The following KHDRBS2 variants were observed in gnomAD, a reference collection of about 807,000 sequenced individuals.
KHDRBS2 encodes KH domain-containing, RNA-binding, signal transduction-associated protein 2.
In KHDRBS2, 26 loss-of-function variants were observed where a neutral mutation model predicts 44.3. That is an observed-to-expected ratio of 0.59 (90% CI 0.43 to 0.81). The LOEUF (loss-of-function observed/expected upper bound fraction) is 0.81. Ranked by LOEUF, KHDRBS2 falls within the 40% of genes least tolerant of loss-of-function variation. The pLI, the probability that KHDRBS2 is intolerant of heterozygous loss-of-function variation, is 0.00. For synonymous variants in KHDRBS2, 194 were observed against 151.1 expected (o/e 1.28, Z -2.08); for missense variants, 476 against 433.1 (o/e 1.10, Z -0.88).
intron 2 of KHDRBS2, among the ~76,000 whole-genome samples, chr6:62,079,904 T>C (rs115879501): frequency 0.012 from 1,768 of 152,146 alleles, 34 homozygotes; most frequent in African/African-American, 0.04. Flanking sequence ...GTTTAAAAAT[T>C]AATGCCTACA....
chr6:61,948,933 C>T lies in KHDRBS2; in HGVS notation c.483+29133G>A, dbSNP rs547335058. Among the ~76,000 whole-genome samples the T allele has an allele frequency of 1.4e-4, 21 of 152,034 alleles. No individual in the cohort carries two copies. In the South Asian group the frequency reaches 2.3e-3, roughly 17 times the overall value. ...TTCAGATTTCCACGTGTTATGCGAG[C>T]GGAATACTTCAGTTCTCTCCATCCA... On this transcript the variant is annotated intron_variant, in intron 4 of 8. Transcript: ENST00000281156.
intron 4 of KHDRBS2, among the ~76,000 whole-genome samples, chr6:61,977,215 T>C (rs575443414): frequency 6.6e-6 from 1 of 152,238 alleles, no homozygotes; most frequent in East Asian, 1.9e-4. Context: ...AGATCTATCT[T>C]AGCTGTGTGC....
rs1200792448 is a variant in KHDRBS2, at chr6:61,853,295, C to T, written c.810+41340G>A. ...CTGGTTATTAAGGCTATTTTTATTT[C>T]CCTATCACATTATATAGCTATTAAA... On this transcript the variant is annotated intron_variant, in intron 6 of 8. Transcript: ENST00000281156. Among the ~76,000 whole-genome samples the T allele has an allele frequency of 3.9e-5, 6 of 152,084 alleles. No individual in the cohort carries two copies. The East Asian group carries it at 1.2e-3, about 29-fold the overall frequency.
intron 2 of KHDRBS2, among the ~76,000 whole-genome samples, chr6:62,152,255 G>A (rs897769059): frequency 9.2e-5 from 14 of 152,174 alleles, no homozygotes; most frequent in African/African-American, 2.9e-4. Context: ...GGAGGCAGAG[G>A]TTGAGGTGAG....
chr6:62,038,247 T>C (rs1785718299), intron 3 of KHDRBS2, among the ~76,000 whole-genome samples: 1 of 152,100 alleles, frequency 6.6e-6, no homozygotes, highest in South Asian at 2.1e-4. Flanking sequence ...TCACTCTTGG[T>C]GAACCCATAC....
At chr6:61,702,114 A>C (rs911501007) in intron 7 of KHDRBS2, among the ~76,000 whole-genome samples, 7 of 151,920 alleles carry the variant, frequency 4.6e-5, no homozygotes, top group African/African-American at 1.4e-4. Context: ...GGGCTATAGA[A>C]GACTTCTCGT....
chr6:62,038,062 G>T (rs943730153), intron 3 of KHDRBS2, among the ~76,000 whole-genome samples: 5 of 151,884 alleles, frequency 3.3e-5, no homozygotes, highest in Non-Finnish European at 7.4e-5. Context: ...TGCCACAATG[G>T]AACAACTCAG....
At chr6:61,737,003 A>T (rs1775464400) in intron 6 of KHDRBS2, among the ~76,000 whole-genome samples, 2 of 152,100 alleles carry the variant, frequency 1.3e-5, no homozygotes, top group South Asian at 4.1e-4. Flanking sequence ...CCCATAGAAT[A>T]GTCATTTAAC....
At chr6:61,924,306 T>C (rs960059754) in intron 4 of KHDRBS2, among the ~76,000 whole-genome samples, 2 of 152,038 alleles carry the variant, frequency 1.3e-5, no homozygotes, top group African/African-American at 4.8e-5. Flanking sequence ...GCCATGGTAA[T>C]AGCTAGGAGG....
At chr6:62,007,038 T>G (rs1270105722) in intron 3 of KHDRBS2, among the ~76,000 whole-genome samples, 2 of 152,084 alleles carry the variant, frequency 1.3e-5, no homozygotes, top group Non-Finnish European at 1.5e-5. Flanking sequence ...TACATCTACA[T>G]GTAAGACAAA....
intron 3 of KHDRBS2, among the ~76,000 whole-genome samples, chr6:61,981,461 AACT>A (rs1486008288): frequency 2.0e-5 from 3 of 148,782 alleles, no homozygotes; most frequent in African/African-American, 7.5e-5. Context: ...AAAAAAAAAA[AACT>A]GAGTTTTTTT....
chr6:62,099,849 G>C (rs1801460717), intron 2 of KHDRBS2, among the ~76,000 whole-genome samples: 1 of 152,132 alleles, frequency 6.6e-6, no homozygotes, highest in South Asian at 2.1e-4. Context: ...GATGTGCGGG[G>C]ATATTAATGT....
the KHDRBS2 span, among the ~76,000 whole-genome samples, chr6:61,554,613 T>C: frequency 7.9e-5 from 12 of 152,194 alleles, no homozygotes; most frequent in Admixed American, 7.9e-4. Flanking sequence ...GTCATTGACC[T>C]ATGTACTTGT....
chr6:61,671,853 T>A, the KHDRBS2 span, among the ~76,000 whole-genome samples: 8 of 152,034 alleles, frequency 5.3e-5, 1 homozygote, highest in Admixed American at 3.3e-4. Context: ...TTTATTTATT[T>A]ATGATTATTA....
chr6:61,977,952 T>G (rs1262554937), intron 4 of KHDRBS2, 114 bp downstream of exon 4: 1 of 873,188 alleles, frequency 1.1e-6, no homozygotes, highest in Non-Finnish European at 1.8e-6. Flanking sequence ...GACCTGTGGA[T>G]AGATCATTGG....
At chr6:62,260,323 A>T (rs1585478192) in intron 1 of KHDRBS2, among the ~76,000 whole-genome samples, 4 of 152,010 alleles carry the variant, frequency 2.6e-5, no homozygotes, top group Non-Finnish European at 5.9e-5. Flanking sequence ...TTACAGATTA[A>T]TGTAGATTGT....
intron 3 of KHDRBS2, among the ~76,000 whole-genome samples, chr6:61,995,722 T>A (rs1026394621): frequency 2.0e-5 from 3 of 152,002 alleles, no homozygotes; most frequent in Non-Finnish European, 4.4e-5. Context: ...TGGGGAAGGA[T>A]ATTGAAGATA....
intron 6 of KHDRBS2, among the ~76,000 whole-genome samples, chr6:61,771,081 A>C (rs1404363856): frequency 6.6e-6 from 1 of 152,206 alleles, no homozygotes; most frequent in Non-Finnish European, 1.5e-5. Flanking sequence ...ATATCCAGCC[A>C]AACTAAGCTT....
At chr6:62,015,408 T>C (rs894135225) in intron 3 of KHDRBS2, among the ~76,000 whole-genome samples, 1 of 152,164 alleles carries the variant, frequency 6.6e-6, no homozygotes, top group African/African-American at 2.4e-5. Context: ...GTGGTGGAGA[T>C]GCAGGTGCAT....
Sources: gnomAD v4.1 joint callset for allele counts (sites outside exome capture counted in the v4.1 genomes callset) on GRCh38, gnomAD v4.1.1 for gene constraint, MANE v1.5 for transcripts, NCBI Gene and HGNC (gene_info 2026-07-23, HGNC 2026-07-21) for gene names.